The following ASH1L variants were observed in gnomAD, a reference collection of about 807,000 sequenced individuals.
ASH1L encodes the protein histone-lysine N-methyltransferase ASH1L.
In ASH1L, 23 loss-of-function variants were observed where a neutral mutation model predicts 269.0. That is an observed-to-expected ratio of 0.09 (90% confidence interval 0.06 to 0.12). The LOEUF (loss-of-function observed/expected upper bound fraction) is 0.12, where lower values mean the gene tolerates loss of function less well. Ranked by LOEUF, ASH1L falls within the 10% of genes least tolerant of loss-of-function variation. The pLI is 1.00. For synonymous variants in ASH1L, 1,187 were observed against 1,253.5 expected (o/e 0.95, Z 1.12); for missense variants, 2,912 against 3,567.8 (o/e 0.82, Z 4.68).
intron 10 of ASH1L, among the ~76,000 whole-genome samples, chr1:155,374,860 G>T (rs1656291066): frequency 6.6e-6 from 1 of 152,044 alleles, no homozygotes. Context: ...CTGTCACCCA[G>T]CCTGGAGTAC....
chr1:155,393,096 A>G (rs1658079053), intron 7 of ASH1L, among the ~76,000 whole-genome samples: 1 of 152,180 alleles, frequency 6.6e-6, no homozygotes, highest in African/African-American at 2.4e-5. Flanking sequence ...CTTTCAAAAG[A>G]GCTTTGGCAC....
At chr1:155,432,398 T>C (rs921377937) in intron 5 of ASH1L, among the ~76,000 whole-genome samples, 3 of 152,186 alleles carry the variant, frequency 2.0e-5, no homozygotes, top group African/African-American at 4.8e-5. Flanking sequence ...TCCATGAAGG[T>C]AGGAAAAGTT....
intron 1 of ASH1L, among the ~76,000 whole-genome samples, chr1:155,546,439 T>C (rs1670832784): frequency 6.6e-6 from 1 of 152,120 alleles, no homozygotes; most frequent in Non-Finnish European, 1.5e-5. Context: ...ACCACTAGCA[T>C]TCCTTACATG....
intron 2 of ASH1L, among the ~76,000 whole-genome samples, chr1:155,493,036 C>T (rs779348700): frequency 1.3e-5 from 2 of 152,070 alleles, no homozygotes; most frequent in East Asian, 1.9e-4. Context: ...AGGCTGGTCT[C>T]GAACTCCTGA....
chr1:155,503,635 T>C (rs1290021461), intron 2 of ASH1L, among the ~76,000 whole-genome samples: 1 of 152,252 alleles, frequency 6.6e-6, no homozygotes. Context: ...TTAGTATGCA[T>C]AATCCAGATT....
At chr1:155,356,284 T>G (rs1178537126) in intron 15 of ASH1L, among the ~76,000 whole-genome samples, 2 of 152,124 alleles carry the variant, frequency 1.3e-5, no homozygotes, top group East Asian at 3.9e-4. Flanking sequence ...CCTTTGACAG[T>G]CTGATGAAGC....
At chr1:155,526,863 T>C (rs1669295411) in intron 1 of ASH1L, among the ~76,000 whole-genome samples, 3 of 152,308 alleles carry the variant, frequency 2.0e-5, no homozygotes, top group Non-Finnish European at 2.9e-5. Context: ...CTCTGAATAA[T>C]GCCAATAAGC....
chr1:155,470,050 G>A lies in ASH1L; in HGVS notation c.4984+7836C>T, dbSNP rs147616527. The stretch of plus-strand genomic sequence containing the variant: ...AGCTGATATCTAGTGTAAGAAACAC[G>A]TGTCACACATTATTCTTCGCTGCTA... On this transcript the variant is annotated intron_variant, in intron 3 of 27. Coordinates refer to ENST00000392403, the MANE Select transcript of ASH1L (RefSeq NM_018489.3). Among the ~76,000 whole-genome samples, 20 of 152,134 alleles carry A rather than the reference G, an allele frequency of 1.3e-4. No homozygotes were observed. The East Asian group carries it at 2.9e-3, about 22-fold the overall frequency.
intron 5 of ASH1L, among the ~76,000 whole-genome samples, chr1:155,436,405 G>A (rs111720968): frequency 1.9e-3 from 285 of 151,276 alleles, no homozygotes; most frequent in African/African-American, 6.7e-3. Context: ...TGATCAGGCC[G>A]GTCTCGAACT....
At chr1:155,450,960 G>A (rs1663417184) in intron 4 of ASH1L, among the ~76,000 whole-genome samples, 1 of 152,194 alleles carries the variant, frequency 6.6e-6, no homozygotes, top group South Asian at 2.1e-4. Context: ...CACTTTGGGA[G>A]GCTAAGGCGG....
intron 3 of ASH1L, among the ~76,000 whole-genome samples, chr1:155,467,831 AT>A (rs1271081395): frequency 6.6e-6 from 1 of 152,136 alleles, no homozygotes; most frequent in African/African-American, 2.4e-5. Context: ...TTACTTAACA[AT>A]TTGTATTCTG....
chr1:155,371,052 T>C, intron 10 of ASH1L, 69 bp from the exon 11 acceptor site: 1 of 1,335,080 alleles, frequency 7.5e-7, no homozygotes, highest in Non-Finnish European at 1.0e-6. Context: ...ATTTTTAAAT[T>C]TTACAAACAT....
chr1:155,482,083 C>G lies in ASH1L; in HGVS notation c.787G>C (p.Ala263Pro). 1 of 1,614,140 alleles carries G rather than the reference C, an allele frequency of 6.2e-7. No individual in the cohort carries two copies. Among genetic ancestry groups the G allele is most frequent in the Non-Finnish European group, 8.5e-7 (1 of 1,180,010 alleles). Residue 263 changes from alanine (A) to proline (P), a missense_variant, in exon 3 of 28, where the codon GCT becomes CCT. Transcript: ENST00000392403. Reference protein sequence around the residue: ...LIRKAGVGSVAGIIHKDLIKK... With the variant: ...LIRKAGVGSVPGIIHKDLIKK... ...ATTAAGTCCTTATGTATTATTCCAG[C>G]TACAGAGCCAACACCTGCTTTCCTG...
chr1:155,459,018 A>C (rs1258599525), intron 4 of ASH1L, among the ~76,000 whole-genome samples: 1 of 151,378 alleles, frequency 6.6e-6, no homozygotes, highest in African/African-American at 2.4e-5. Context: ...GCATACCCTA[A>C]ATTTCTGTAT....
In ASH1L at chr1:155,405,817, G is replaced by A. The variant is rs114257949; in HGVS notation, c.6008+9927C>T. On this transcript the variant is annotated intron_variant, in intron 6 of 27. Transcript: ENST00000392403. The stretch of plus-strand genomic sequence containing the variant: ...TGCACTCCAGTCTGGGTGAGAGAGC[G>A]ATTCTCTGTGTCAAAAAAAAAAAAA... Among the ~76,000 whole-genome samples the A allele has an allele frequency of 6.1e-3, 886 of 144,088 alleles. 9 individuals are homozygous for A. Among genetic ancestry groups the A allele is most frequent in the African/African-American group, 0.023 (861 of 38,192 alleles). The allele number at this position is 144,088 out of a possible 152,430, so 94.5% of individuals were successfully genotyped here. A position where few individuals can be genotyped will look rare whatever the true frequency, so the allele number is the denominator to read the frequency against.
intron 1 of ASH1L, among the ~76,000 whole-genome samples, chr1:155,543,829 G>A (rs1284042188): frequency 6.6e-6 from 1 of 151,942 alleles, no homozygotes; most frequent in East Asian, 1.9e-4. Context: ...CTACTTGGCA[G>A]GGGCTGAGGT....
Position 155,562,793 on chromosome 1 carries a change from G to A in ASH1L, c.-740C>T, listed in dbSNP as rs1433571728. 4.6e-6 allele frequency: 3 copies of A among 659,216 alleles called. No homozygotes were observed. The highest frequency in any genetic ancestry group is 8.0e-6 in the Non-Finnish European group (3 of 377,150). 40.8% of individuals were successfully genotyped at this position (659,216 alleles called of 1,614,324 possible). ...CTCACGCGTACCTTCAACGGCGCAA[G>A]CCCAAGCCTCCTCCTCCTCCTCCTC... is the stretch of plus-strand genomic sequence containing the variant. On this transcript the variant is annotated 5_prime_UTR_variant, in exon 1 of 28. Coordinates refer to ENST00000392403, the MANE Select transcript of ASH1L (RefSeq NM_018489.3).
At chr1:155,482,502 T>C in intron 2 of ASH1L, 53 bp from the exon 3 acceptor site, 1 of 1,526,218 alleles carries the variant, frequency 6.6e-7, no homozygotes, top group Non-Finnish European at 8.8e-7. Flanking sequence ...TACACCACTT[T>C]AGCTTAGCTT....
At chr1:155,505,790 A>G (rs916238908) in intron 2 of ASH1L, among the ~76,000 whole-genome samples, 2 of 152,190 alleles carry the variant, frequency 1.3e-5, no homozygotes, top group Non-Finnish European at 2.9e-5. Context: ...AAAATAGGGT[A>G]TAATTTAAAG....
Sources: allele counts gnomAD v4.1 joint callset (sites outside exome capture counted in the v4.1 genomes callset), GRCh38; gene constraint gnomAD v4.1.1; transcripts MANE v1.5; gene names NCBI Gene and HGNC (gene_info 2026-07-23, HGNC 2026-07-21).